Variants in NRXN3 observed in about 807,000 individuals in gnomAD.
The protein encoded by NRXN3 is neurexin III.
In NRXN3, 32 loss-of-function variants were observed where a neutral mutation model predicts 137.6. The ratio of observed to expected loss-of-function variants is 0.23; its 90% CI spans 0.18 to 0.31. NRXN3 has a LOEUF of 0.31. Ranked by LOEUF, NRXN3 falls within the 10% of genes least tolerant of loss-of-function variation. The pLI is 1.00. For missense variants in NRXN3, 1,574 were observed against 2,062.5 expected, an observed-to-expected ratio of 0.76 and a Z score of 4.59; for synonymous variants, 798 against 784.5, an observed-to-expected ratio of 1.02 and a Z score of -0.29.
chr14:78,699,027 A>T (rs964008070), intron 6 of NRXN3, among the ~76,000 whole-genome samples: 2 of 151,922 alleles, frequency 1.3e-5, no homozygotes, highest in Non-Finnish European at 2.9e-5. Flanking sequence ...TCCTGTAAGC[A>T]CGTACTTTGT....
chr14:79,101,339 A>G (rs2051259653), intron 15 of NRXN3, among the ~76,000 whole-genome samples: 1 of 152,198 alleles, frequency 6.6e-6, no homozygotes, highest in Non-Finnish European at 1.5e-5. Flanking sequence ...ATTCAAGCTT[A>G]AGTTTTCCTG....
At position 78,514,721 on chromosome 14, in the gene NRXN3, G is replaced by A. The variant is rs1382145816; in HGVS notation, c.758-130399G>A. ...ACAAGCAGATACACACAGTAATATCGTATAGTCATAGAACTATGAAATGTT... is the reference window on the plus strand; with the variant it reads ...ACAAGCAGATACACACAGTAATATCATATAGTCATAGAACTATGAAATGTT... On this transcript the variant is annotated intron_variant, in intron 4 of 20. Coordinates refer to ENST00000335750, the MANE Select transcript of NRXN3 (RefSeq NM_001330195.2). 2.6e-5 allele frequency among the ~76,000 whole-genome samples: 4 copies of A among 152,208 alleles called. No homozygotes were observed. In the South Asian group the frequency reaches 6.2e-4, roughly 24 times the overall value.
At chr14:78,502,965 T>C (rs1432637341) in intron 4 of NRXN3, among the ~76,000 whole-genome samples, 1 of 152,210 alleles carries the variant, frequency 6.6e-6, no homozygotes. Context: ...TGTGAAGTAC[T>C]GTTTTTGCAT....
chr14:79,564,003 A>C (rs1241283746), intron 16 of NRXN3, among the ~76,000 whole-genome samples: 1 of 152,092 alleles, frequency 6.6e-6, no homozygotes, highest in Non-Finnish European at 1.5e-5. Flanking sequence ...ATAAGTATTA[A>C]GAGGGTCCAT....
chr14:78,859,387 C>T (rs1277328505), intron 10 of NRXN3, among the ~76,000 whole-genome samples: 2 of 152,176 alleles, frequency 1.3e-5, no homozygotes, highest in African/African-American at 2.4e-5. Context: ...CAACCAGATG[C>T]TAATAATATG....
Position 78,802,212 on chromosome 14 carries a change from A to G in NRXN3, c.2045-1408A>G, listed in dbSNP as rs75279518. ...TTTCAAAACAGCCCCTGGACTTGGT[A>G]TCAGATATATTGAGTCAAATCCAGA... On this transcript the variant is annotated intron_variant, in intron 8 of 20. Coordinates refer to ENST00000335750, the MANE Select transcript of NRXN3 (RefSeq NM_001330195.2). Among the ~76,000 whole-genome samples the G allele has an allele frequency of 4.1e-4, 63 of 152,350 alleles. 1 individual carries two copies. The East Asian group carries it at 0.012, about 29-fold the overall frequency.
chr14:79,754,366 C>A (rs1603464262), intron 19 of NRXN3, among the ~76,000 whole-genome samples: 1 of 150,678 alleles, frequency 6.6e-6, no homozygotes, highest in African/African-American at 2.4e-5. Context: ...AAATAAAGTA[C>A]AGGGAGGATG....
intron 4 of NRXN3, among the ~76,000 whole-genome samples, chr14:78,350,281 C>T (rs909746880): frequency 3.6e-5 from 5 of 139,250 alleles, no homozygotes; most frequent in Admixed American, 2.3e-4. Flanking sequence ...AAGAGCGGAA[C>T]TTCATCTCAA....
chr14:78,723,178 C>G (rs185530806), intron 8 of NRXN3, among the ~76,000 whole-genome samples: 22 of 152,218 alleles, frequency 1.4e-4, no homozygotes, highest in Admixed American at 3.3e-4. Flanking sequence ...ATAACCAGGT[C>G]AGATCACTGA....
intron 15 of NRXN3, among the ~76,000 whole-genome samples, chr14:79,292,707 G>A (rs1250650171): frequency 6.6e-6 from 1 of 152,174 alleles, no homozygotes; most frequent in African/African-American, 2.4e-5. Flanking sequence ...ACGTTAAGAG[G>A]GGCAGTGGGT....
intron 6 of NRXN3, among the ~76,000 whole-genome samples, chr14:78,668,501 G>A (rs1029832033): frequency 2.3e-4 from 35 of 152,268 alleles, no homozygotes; most frequent in Non-Finnish European, 1.5e-5. Flanking sequence ...GTTGAAACTA[G>A]GGTGGAGGAG....
At chr14:79,653,703 T>C (rs1223455307) in intron 16 of NRXN3, among the ~76,000 whole-genome samples, 2 of 151,806 alleles carry the variant, frequency 1.3e-5, no homozygotes, top group Non-Finnish European at 2.9e-5. Flanking sequence ...ATATAACTTA[T>C]TAGAAAATAT....
intron 15 of NRXN3, among the ~76,000 whole-genome samples, chr14:79,438,511 T>C (rs1050327898): frequency 6.6e-6 from 1 of 152,128 alleles, no homozygotes; most frequent in Admixed American, 6.5e-5. Flanking sequence ...CACTGATGTT[T>C]GTCTGCCTAT....
At chr14:79,819,732 C>T (rs372565092) in intron 20 of NRXN3, among the ~76,000 whole-genome samples, 4 of 151,984 alleles carry the variant, frequency 2.6e-5, no homozygotes, top group Admixed American at 6.6e-5. Context: ...ATTTGCCCCC[C>T]TCGGCCTCCC....
intron 19 of NRXN3, among the ~76,000 whole-genome samples, chr14:79,770,790 G>A (rs2099074934): frequency 6.6e-6 from 1 of 151,410 alleles, no homozygotes; most frequent in Non-Finnish European, 1.5e-5. Context: ...AGAACTGAAG[G>A]AAATAGAGAC....
At chr14:79,549,682 C>T (rs1320276464) in intron 16 of NRXN3, among the ~76,000 whole-genome samples, 2 of 152,080 alleles carry the variant, frequency 1.3e-5, no homozygotes, top group African/African-American at 2.4e-5. Flanking sequence ...CCATTAGACC[C>T]AGTATTAGTC....
At chr14:79,799,898 G>A (rs911594494) in intron 19 of NRXN3, among the ~76,000 whole-genome samples, 2 of 152,074 alleles carry the variant, frequency 1.3e-5, no homozygotes, top group Non-Finnish European at 2.9e-5. Flanking sequence ...CTTATCTATA[G>A]CTTTATCCCT....
intron 4 of NRXN3, among the ~76,000 whole-genome samples, chr14:78,636,585 G>A (rs1173027094): frequency 6.6e-6 from 1 of 152,076 alleles, no homozygotes; most frequent in Admixed American, 6.6e-5. Flanking sequence ...GTGGAGTCAC[G>A]GGGGCAGGAA....
chr14:78,528,077 T>A (rs555926149), intron 4 of NRXN3, among the ~76,000 whole-genome samples: 5 of 152,366 alleles, frequency 3.3e-5, no homozygotes, highest in Non-Finnish European at 7.3e-5. Flanking sequence ...TTTGTTATGA[T>A]CCTTTGCTTT....
Sources: allele counts gnomAD v4.1 joint callset (sites outside exome capture counted in the v4.1 genomes callset), GRCh38; gene constraint gnomAD v4.1.1; transcripts MANE v1.5; gene names NCBI Gene and HGNC (gene_info 2026-07-23, HGNC 2026-07-21).